ZMYND15: variants seen among roughly 807,000 people sequenced by gnomAD.
The protein encoded by ZMYND15 is zinc finger MYND domain-containing protein 15.
ZMYND15 carries 54 observed loss-of-function variants against 81.7 expected under a neutral mutation model. That is an observed-to-expected ratio of 0.66 (90% CI 0.53 to 0.83). The LOEUF is 0.83. Ranked by LOEUF, ZMYND15 falls within the 40% of genes least tolerant of loss-of-function variation. ZMYND15 has a pLI of 0.00. For missense variants in ZMYND15, 925 were observed against 973.5 expected (o/e 0.95, Z 0.66); for synonymous variants, 399 against 387.0 (o/e 1.03, Z -0.36).
chr17:4,744,457 C>A lies in ZMYND15; in HGVS notation c.1673C>A (p.Thr558Asn). 1 of 1,614,044 alleles carries A rather than the reference C, an allele frequency of 6.2e-7. No homozygotes were observed. The highest frequency in any genetic ancestry group is 8.5e-7 in the Non-Finnish European group (1 of 1,179,996). Residue 558 changes from threonine to asparagine, a missense_variant, in exon 10 of 14, where the codon ACC becomes AAC. By Grantham distance (65) the Thr-to-Asn change is moderately conservative. Transcript: ENST00000433935. The surrounding 1 kb of genome is among the most constrained non-coding windows in gnomAD (Gnocchi z 4.1). ...LPPESDEQHF[T>N]LQRDSLEVSV... Reference sequence around the variant, plus strand: ...CCCGAAAGCGACGAGCAGCATTTTACCCTGCAGAGGGTGAGGGCTGAGGGG... The same window carrying A: ...CCCGAAAGCGACGAGCAGCATTTTAACCTGCAGAGGGTGAGGGCTGAGGGG...
Position 4,742,487 on chromosome 17 carries a change from CG to C in ZMYND15, c.1141del (p.Ala381GlnfsTer3). On this transcript the variant is annotated frameshift_variant, in exon 5 of 14. Coordinates refer to ENST00000433935, the MANE Select transcript of ZMYND15 (RefSeq NM_001136046.3). LOFTEE classifies it high-confidence loss of function. ...ELATLPFTYT[A>X]EVTSETFNKE... Reference sequence around the variant, plus strand: ...TGGCAACCCTGCCTTTTACCTACACCGCAGGTACCATAAGGAGGTCAGAATG... The same window carrying C: ...TGGCAACCCTGCCTTTTACCTACACCCAGGTACCATAAGGAGGTCAGAATG... The C allele has an allele frequency of 6.2e-7, 1 of 1,613,824 alleles. No individual in the cohort carries two copies. The highest frequency in any genetic ancestry group is 8.5e-7 in the Non-Finnish European group (1 of 1,179,886).
In ZMYND15 at chr17:4,743,222, GA is replaced by G; in HGVS notation, c.1145-80del. On this transcript the variant is annotated intron_variant, in intron 5 of 13. Coordinates refer to ENST00000433935, the MANE Select transcript of ZMYND15 (RefSeq NM_001136046.3). This position sits in a 1 kb window ranked among gnomAD's most constrained non-coding sequence, Gnocchi z 4.3. ...CCACTGCACTCTAGCTTGGGTGATA[GA>G]GCAAGACTCTGTCTCAAAAAAAAAA... The G allele has an allele frequency of 7.0e-7, 1 of 1,423,736 alleles. No individual in the cohort carries two copies. Among genetic ancestry groups the G allele is most frequent in the Non-Finnish European group, 9.5e-7 (1 of 1,055,562 alleles). The allele number at this position is 1,423,736 out of a possible 1,614,324, so 88.2% of individuals were successfully genotyped here.
intron 2 of ZMYND15, 64 bp from the exon 3 acceptor site, chr17:4,741,518 C>T: frequency 1.3e-6 from 2 of 1,582,216 alleles, no homozygotes; most frequent in South Asian, 2.2e-5. Context: ...TTTGGTACTC[C>T]TGACCCTGAC....
In ZMYND15 at chr17:4,743,611, C is replaced by A; in HGVS notation, c.1297+156C>A. On this transcript the variant is annotated intron_variant, in intron 6 of 13. Coordinates refer to ENST00000433935, the MANE Select transcript of ZMYND15 (RefSeq NM_001136046.3). The surrounding 1 kb of genome is among the most constrained non-coding windows in gnomAD (Gnocchi z 4.3). ...CTTTCCCAGCCCTCAATGGAATCAC[C>A]CCTACCAACTCCACCCAGAAACCCC... The A allele has an allele frequency of 1.5e-6, 2 of 1,302,824 alleles. No individual in the cohort carries two copies. Among genetic ancestry groups the A allele is most frequent in the Non-Finnish European group, 2.1e-6 (2 of 954,334 alleles). The allele number at this position is 1,302,824 out of a possible 1,614,324, so 80.7% of individuals were successfully genotyped here.
In ZMYND15 at chr17:4,740,817, G is replaced by A. The variant is rs906422071; in HGVS notation, c.269G>A (p.Gly90Glu). Residue 90 changes from glycine (G) to glutamate (E), a missense_variant, in exon 2 of 14, where the codon GGA becomes GAA. Coordinates refer to ENST00000433935, the MANE Select transcript of ZMYND15 (RefSeq NM_001136046.3). ...GPGLGTAWLL[G>E]DNPPLHLRDL... is the part of the protein sequence containing the mutation. ...GGCCTGGGGACTGCCTGGCTCCTGG[G>A]AGACAACCCTCCACTCCACCTGCGA... The A allele has an allele frequency of 1.3e-6, 2 of 1,585,602 alleles. No individual in the cohort carries two copies. The highest frequency in any genetic ancestry group is 2.3e-5 in the South Asian group (2 of 88,104).
intron 2 of ZMYND15, 109 bp downstream of exon 2, chr17:4,741,249 G>T: frequency 7.8e-7 from 1 of 1,277,138 alleles, no homozygotes; most frequent in South Asian, 2.2e-5. Context: ...AATCTGGCCT[G>T]AAAAGGTGTT....
rs1414682946 is a variant in ZMYND15, at chr17:4,745,695, T to C, written c.2058-124T>C. On this transcript the variant is annotated intron_variant, in intron 13 of 13. Coordinates refer to ENST00000433935, the MANE Select transcript of ZMYND15 (RefSeq NM_001136046.3). This position sits in a 1 kb window ranked among gnomAD's most constrained non-coding sequence, Gnocchi z 5.2. ...GGGGCAAGCCCCGCCCCCTGGTCCC[T>C]GACCGCCCGGTGGAGCCCCGCCCCC... 4.7e-5 allele frequency: 25 copies of C among 530,520 alleles called. No homozygotes were observed. The highest frequency in any genetic ancestry group is 4.3e-4 in the African/African-American group (19 of 43,950). 32.9% of individuals were successfully genotyped at this position (530,520 alleles called of 1,614,324 possible).
rs373195825 is a variant in ZMYND15, at chr17:4,744,616, GC to G, written c.1684-5del. 162 of 1,607,528 alleles carry G rather than the reference GC, an allele frequency of 1.0e-4. No homozygotes were observed. The African/African-American group carries it at 1.9e-3, about 19-fold the overall frequency. On this transcript the variant is annotated splice_polypyrimidine_tract_variant and splice_region_variant and intron_variant, in intron 10 of 13. Coordinates refer to ENST00000433935, the MANE Select transcript of ZMYND15 (RefSeq NM_001136046.3). The surrounding 1 kb of genome is among the most constrained non-coding windows in gnomAD (Gnocchi z 4.1). ...GTGGCTTTTCCACCCCACTCCTGGG[GC>G]CCCTCAGGACAGCCTGGAGGTGTCT...
At position 4,740,875 on chromosome 17, in the gene ZMYND15, A is replaced by C. The variant is rs1460911526; in HGVS notation, c.327A>C (p.Leu109=). Reference sequence around the variant, plus strand: ...GCCCCTACATCAGCTTTGTCAGCCTAGAGGATGGGGAGGAAGGGGAGGAGG... The same window carrying C: ...GCCCCTACATCAGCTTTGTCAGCCTCGAGGATGGGGAGGAAGGGGAGGAGG... ...DLSPYISFVS[L]EDGEEGEEEE... The change falls in exon 2 of 14, where the codon CTA becomes CTC. Residue 109 remains leucine (L), a synonymous_variant. Transcript: ENST00000433935. 2 of 1,577,990 alleles carry C rather than the reference A, an allele frequency of 1.3e-6. No individual in the cohort carries two copies. Among genetic ancestry groups the C allele is most frequent in the East Asian group, 4.5e-5 (2 of 44,470 alleles).
At position 4,741,478 on chromosome 17, in the gene ZMYND15, G is replaced by GTACTTACCC. The variant is rs1377376454; in HGVS notation, c.593-103_593-102insACTTACCCT. On this transcript the variant is annotated intron_variant, in intron 2 of 13. Transcript: ENST00000433935. ...TACCCAGAGCCCTTTACTCAGTGAG[G>GTACTTACCC]TTACTTGCCTAGCCCCGTAGGTATT... 6 of 1,273,410 alleles carry GTACTTACCC rather than the reference G, an allele frequency of 4.7e-6. No homozygotes were observed. In the Admixed American group the frequency reaches 1.1e-4, roughly 23 times the overall value. 78.9% of individuals were successfully genotyped at this position (1,273,410 alleles called of 1,614,324 possible). A position where few individuals can be genotyped will look rare whatever the true frequency, so the allele number is the denominator to read the frequency against.
chr17:4,744,073 G>A lies in ZMYND15; in HGVS notation c.1461G>A (p.Val487=). ...TGCTTCTCACCTACCCGCTGACCGT[G>A]TACTACGTCATCACCCACCTGGTGC... is the stretch of plus-strand genomic sequence containing the variant. ...IAVLLTYPLT[V]YYVITHLVPQ... The change falls in exon 8 of 14, where the codon GTG becomes GTA. Residue 487 remains valine (V), a synonymous_variant. Transcript: ENST00000433935. The surrounding 1 kb of genome is among the most constrained non-coding windows in gnomAD (Gnocchi z 4.1). 1.3e-6 allele frequency: 2 copies of A among 1,570,690 alleles called. No individual in the cohort carries two copies. The highest frequency in any genetic ancestry group is 1.7e-4 in the Middle Eastern group (1 of 6,014).
Position 4,745,425 on chromosome 17 carries a change from C to T in ZMYND15, c.2057+50C>T, listed in dbSNP as rs368599382. ...TTCCTGACCCTTAACTTCTCTTACT[C>T]TCTGGCTCCACATCCTCGAAGGCCC... On this transcript the variant is annotated intron_variant, in intron 13 of 13. Coordinates refer to ENST00000433935, the MANE Select transcript of ZMYND15 (RefSeq NM_001136046.3). This position sits in a 1 kb window ranked among gnomAD's most constrained non-coding sequence, Gnocchi z 5.2. 28 of 1,542,964 alleles carry T rather than the reference C, an allele frequency of 1.8e-5. No homozygotes were observed. In the East Asian group the frequency reaches 5.4e-4, roughly 30 times the overall value.
rs377028595 is a variant in ZMYND15 at position 4,744,670 on chromosome 17, C to G, written c.1729C>G (p.Arg577Gly). 1 of 1,613,542 alleles carries G rather than the reference C, an allele frequency of 6.2e-7. No homozygotes were observed. Among genetic ancestry groups the G allele is most frequent in the Admixed American group, 1.7e-5 (1 of 59,994 alleles). The change falls in exon 11 of 14, where the codon CGG becomes GGG. Residue 577 changes from arginine (R) to glycine (G), a missense_variant. Coordinates refer to ENST00000433935, the MANE Select transcript of ZMYND15 (RefSeq NM_001136046.3). The surrounding 1 kb of genome is among the most constrained non-coding windows in gnomAD (Gnocchi z 4.1). ...CCGGCCTGGTTCCGGCATATCAGCA[C>G]GGCCCAGCTCTGGCACTAAGGAGAA... ...SVRPGSGISA[R>G]PSSGTKEKGG... is the part of the protein sequence containing the mutation.
In ZMYND15 at chr17:4,742,436, A is replaced by T; in HGVS notation, c.1089A>T (p.Ala363=). 1 of 1,614,206 alleles carries T rather than the reference A, an allele frequency of 6.2e-7. No homozygotes were observed. Among genetic ancestry groups the T allele is most frequent in the Non-Finnish European group, 8.5e-7 (1 of 1,180,052 alleles). Residue 363 remains alanine (A), a synonymous_variant, in exon 5 of 14, where the codon GCA becomes GCT. Transcript: ENST00000433935. ...ACCGATTTTGGTGCCCAAGGCTTGC[A>T]GCCTTCATGGAGCGGGCAGGAGAAC... is the stretch of plus-strand genomic sequence containing the variant. The part of the protein sequence containing the change: ...VSHRFWCPRL[A]AFMERAGELA...
Position 4,741,969 on chromosome 17 carries a change from G to A in ZMYND15, c.882G>A (p.Met294Ile), listed in dbSNP as rs1916442441. The change falls in exon 4 of 14, where the codon ATG becomes ATA. Residue 294 changes from methionine (M) to isoleucine (I), a missense_variant. By Grantham distance (10) the Met-to-Ile change is conservative (BLOSUM62 1). Coordinates refer to ENST00000433935, the MANE Select transcript of ZMYND15 (RefSeq NM_001136046.3). ...GTGTGAAGTTAGCCAAAACCCCAAT[G>A]CGGACATGGGGTCCCCGGCCAGGCT... ...RLGVKLAKTP[M>I]RTWGPRPGFT... 2 of 1,614,180 alleles carry A rather than the reference G, an allele frequency of 1.2e-6. No homozygotes were observed. Among genetic ancestry groups the A allele is most frequent in the Non-Finnish European group, 1.7e-6 (2 of 1,180,036 alleles).
In ZMYND15 at chr17:4,744,604, C is replaced by T; in HGVS notation, c.1684-21C>T. ...CCCTGACTTCCAGTGGCTTTTCCAC[C>T]CCACTCCTGGGGCCCCTCAGGACAG... On this transcript the variant is annotated intron_variant, in intron 10 of 13. Transcript: ENST00000433935. This position sits in a 1 kb window ranked among gnomAD's most constrained non-coding sequence, Gnocchi z 4.1. The T allele has an allele frequency of 1.2e-6, 2 of 1,605,224 alleles. No individual in the cohort carries two copies. Among genetic ancestry groups the T allele is most frequent in the Non-Finnish European group, 1.7e-6 (2 of 1,176,032 alleles).
chr17:4,740,242 T>C (rs1236698295), intron 1 of ZMYND15, 192 bp downstream of exon 1: 1 of 572,204 alleles, frequency 1.7e-6, no homozygotes, highest in Non-Finnish European at 2.4e-6. Context: ...TAAACTCTGC[T>C]TTTGAGGGTG....
intron 5 of ZMYND15, 38 bp downstream of exon 5, chr17:4,742,529 G>A (rs781358338): frequency 6.2e-7 from 1 of 1,605,432 alleles, no homozygotes; most frequent in Non-Finnish European, 8.5e-7. Context: ...GGGAAACTGG[G>A]ACCAGGTCTT....
intron 1 of ZMYND15, 125 bp downstream of exon 1, chr17:4,740,175 C>G (rs546473505): frequency 5.3e-5 from 39 of 737,702 alleles, no homozygotes; most frequent in Non-Finnish European, 6.3e-5. Flanking sequence ...AAAATGCTTC[C>G]CTCCCCACCA....
Sources: gnomAD v4.1 joint callset for allele counts on GRCh38, gnomAD v4.1.1 for gene constraint, Gnocchi (gnomAD v3.1) non-coding constraint, MANE v1.5 for transcripts, NCBI Gene and HGNC (gene_info 2026-07-23, HGNC 2026-07-21) for gene names.